Variants in KAT6A observed in about 807,000 individuals in gnomAD.
KAT6A encodes the protein histone acetyltransferase KAT6A.
A neutral mutation model predicts 198.4 loss-of-function variants in KAT6A; 9 were observed. The observed-to-expected ratio is 0.05, with a 90% CI of 0.03 to 0.08. The LOEUF is 0.08. Among genes scored for constraint, KAT6A ranks in the 10% least tolerant of loss-of-function variants. The pLI, the probability that KAT6A is intolerant of heterozygous loss-of-function variation, is 1.00. For synonymous variants in KAT6A, 890 were observed against 883.0 expected (o/e 1.01, Z -0.14); for missense variants, 2,077 against 2,509.9 (o/e 0.83, Z 3.69).
At position 41,932,266 on chromosome 8, in the gene KAT6A, C is replaced by A; in HGVS notation, c.5954G>T (p.Ser1985Ile). Residue 1985 changes from serine to isoleucine, a missense_variant, in exon 17 of 17, where the codon AGC (serine) becomes ATC (isoleucine). Physicochemically the swap from Ser to Ile is moderately radical, Grantham distance 142. Coordinates refer to ENST00000265713, the MANE Select transcript of KAT6A (RefSeq NM_006766.5). ...GGGCACGCCAGCAGCGTTCATGTAG[C>A]TGTGATGGGAGGGGCCTGTGTACAT... The part of the protein sequence containing the change: ...NMMYTGPSHH[S>I]YMNAAGVPKQ... The A allele has an allele frequency of 1.2e-6, 2 of 1,613,994 alleles. No individual in the cohort carries two copies. Among genetic ancestry groups the A allele is most frequent in the Non-Finnish European group, 1.7e-6 (2 of 1,179,932 alleles).
chr8:41,955,343 A>G lies in KAT6A; in HGVS notation c.1551T>C (p.Tyr517=). ...GGGAGGAGTACCAGGTGTGAATTTC[A>G]TACTTCCCAAACTCAATGACAGAGG... ...RCPSVIEFGK[Y]EIHTWYSSPY... is the part of the protein sequence containing the mutation. Residue 517 remains tyrosine (Y), a synonymous_variant, in exon 9 of 17, where the codon TAT becomes TAC. Transcript: ENST00000265713. 1 of 1,613,496 alleles carries G rather than the reference A, an allele frequency of 6.2e-7. No individual in the cohort carries two copies.
chr8:42,011,380 T>C (rs528022445), intron 2 of KAT6A, among the ~76,000 whole-genome samples: 124 of 152,286 alleles, frequency 8.1e-4, no homozygotes, highest in African/African-American at 2.3e-3. Context: ...TTTAATTCAA[T>C]AGACTAGTAA....
rs11329714 is a variant in KAT6A, at chr8:42,031,617, CTTTTTTTTT to C, written c.600+16752_600+16760del. Among the ~76,000 whole-genome samples the C allele has an allele frequency of 2.1e-3, 135 of 65,120 alleles. 1 individual carries two copies. The highest frequency in any genetic ancestry group is 7.8e-3 in the African/African-American group (115 of 14,668). 42.7% of individuals were successfully genotyped at this position (65,120 alleles called of 152,430 possible). A position where few individuals can be genotyped will look rare whatever the true frequency, so the allele number is the denominator to read the frequency against. On this transcript the variant is annotated intron_variant, in intron 2 of 16. Coordinates refer to ENST00000265713, the MANE Select transcript of KAT6A (RefSeq NM_006766.5). Reference sequence around the variant, plus strand: ...GAAATAAATATTGAAGGAGCATTCACTTTTTTTTTTTTTTTTTTTTTTTTTTTTTGGAGA... The same window carrying C: ...GAAATAAATATTGAAGGAGCATTCACTTTTTTTTTTTTTTTTTTTTGGAGA...
intron 3 of KAT6A, among the ~76,000 whole-genome samples, chr8:41,985,811 T>G (rs1440613860): frequency 6.6e-6 from 1 of 152,226 alleles, no homozygotes; most frequent in Non-Finnish European, 1.5e-5. Flanking sequence ...AAGTATGTAG[T>G]GTGGTTTCTG....
At chr8:42,008,515 T>G (rs1412894052) in intron 2 of KAT6A, among the ~76,000 whole-genome samples, 1 of 152,074 alleles carries the variant, frequency 6.6e-6, no homozygotes, top group East Asian at 1.9e-4. Context: ...GTTTTATATA[T>G]TTTTTGAGTA....
At chr8:42,005,175 C>T (rs957046438) in intron 2 of KAT6A, among the ~76,000 whole-genome samples, 1 of 152,034 alleles carries the variant, frequency 6.6e-6, no homozygotes, top group African/African-American at 2.4e-5. Context: ...TATAAATATT[C>T]GTGTTTAAAA....
intron 2 of KAT6A, among the ~76,000 whole-genome samples, chr8:42,046,356 T>G (rs1039184386): frequency 6.6e-6 from 1 of 151,790 alleles, no homozygotes; most frequent in Admixed American, 6.6e-5. Flanking sequence ...GCCAACAAGG[T>G]GAAACCCCGT....
At chr8:42,048,237 C>A (rs1587870234) in intron 2 of KAT6A, 141 bp downstream of exon 2, 3 of 769,912 alleles carry the variant, frequency 3.9e-6, no homozygotes, top group East Asian at 2.5e-5. Context: ...CTCATAGCTA[C>A]AACTCACCAA....
intron 2 of KAT6A, among the ~76,000 whole-genome samples, chr8:42,029,487 G>C (rs1826999319): frequency 6.6e-6 from 1 of 150,824 alleles, no homozygotes; most frequent in African/African-American, 2.4e-5. Flanking sequence ...TATTTCAAAA[G>C]ATCTGTCTTC....
At chr8:42,021,350 A>AG (rs1826526694) in intron 2 of KAT6A, among the ~76,000 whole-genome samples, 1 of 152,204 alleles carries the variant, frequency 6.6e-6, no homozygotes, top group African/African-American at 2.4e-5. Flanking sequence ...GAAGGAAGTC[A>AG]GCACTATTTC....
rs1821461318 is a variant in KAT6A, at chr8:41,930,245, C to T, written c.*1960G>A. ...CACCCTCCTCCCAATATACCTCCCTCCCGACCCACCCCGTCCCCACCCCAA... is the reference window on the plus strand; with the variant it reads ...CACCCTCCTCCCAATATACCTCCCTTCCGACCCACCCCGTCCCCACCCCAA... On this transcript the variant is annotated 3_prime_UTR_variant, in exon 17 of 17. Transcript: ENST00000265713. 1 of 157,234 alleles carries T rather than the reference C, an allele frequency of 6.4e-6. No homozygotes were observed. Among genetic ancestry groups the T allele is most frequent in the East Asian group, 1.4e-4 (1 of 7,304 alleles). 9.7% of individuals were successfully genotyped at this position (157,234 alleles called of 1,614,324 possible).
Position 41,977,279 on chromosome 8 carries a change from CCTA to C in KAT6A, c.1089_1091del (p.Arg364del), listed in dbSNP as rs1254686746. The C allele has an allele frequency of 6.2e-6, 10 of 1,613,902 alleles. 1 individual carries two copies. The Admixed American group carries it at 1.3e-4, about 22-fold the overall frequency. On this transcript the variant is annotated inframe_deletion, in exon 7 of 17. Transcript: ENST00000265713. Reference sequence around the variant, plus strand: ...GGCTGGAAAGAGTGATTTTTCGTTTCCTACCCCTTCCAGGGCCAGTTCGAACTT... The same window carrying C: ...GGCTGGAAAGAGTGATTTTTCGTTTCCCCCTTCCAGGGCCAGTTCGAACTT...
intron 2 of KAT6A, among the ~76,000 whole-genome samples, chr8:42,037,366 A>C (rs1335376281): frequency 6.6e-6 from 1 of 152,198 alleles, no homozygotes; most frequent in Non-Finnish European, 1.5e-5. Context: ...AAAATTGGGA[A>C]ACTATTAAAG....
chr8:41,968,352 C>T (rs1823614185), intron 8 of KAT6A, among the ~76,000 whole-genome samples: 1 of 152,142 alleles, frequency 6.6e-6, no homozygotes, highest in South Asian at 2.1e-4. Context: ...GACATTTATG[C>T]AGCCAAAAAA....
At chr8:41,945,322 G>A (rs1822322555) in intron 12 of KAT6A, among the ~76,000 whole-genome samples, 1 of 150,010 alleles carries the variant, frequency 6.7e-6, no homozygotes, top group Admixed American at 6.6e-5. Flanking sequence ...CCAGGCTAGA[G>A]TGCAGTGGCG....
chr8:42,023,662 A>G (rs540442035), intron 2 of KAT6A, among the ~76,000 whole-genome samples: 2 of 151,548 alleles, frequency 1.3e-5, no homozygotes, highest in Non-Finnish European at 2.9e-5. Context: ...TAATTTTTGT[A>G]TTTTTGTAAA....
intron 8 of KAT6A, among the ~76,000 whole-genome samples, chr8:41,959,723 C>T (rs142726143): frequency 0.021 from 3,257 of 152,258 alleles, 110 homozygotes; most frequent in African/African-American, 0.074. Context: ...CTCTGGGAGG[C>T]CAAGGTGGGC....
At chr8:42,029,364 T>C in intron 2 of KAT6A, among the ~76,000 whole-genome samples, 1 of 152,180 alleles carries the variant, frequency 6.6e-6, no homozygotes. Context: ...CAGTAATAAT[T>C]CTATGCCTTT....
chr8:41,967,815 C>T (rs9693148), intron 8 of KAT6A, among the ~76,000 whole-genome samples: 5,431 of 151,918 alleles, frequency 0.036, 175 homozygotes, highest in African/African-American at 0.09. Context: ...TCAGAAATAA[C>T]GTCGCATATC....
Sources: allele counts gnomAD v4.1 joint callset (sites outside exome capture counted in the v4.1 genomes callset), GRCh38; gene constraint gnomAD v4.1.1; transcripts MANE v1.5; gene names NCBI Gene and HGNC (gene_info 2026-07-23, HGNC 2026-07-21).